SHF: variants seen among roughly 807,000 people sequenced by gnomAD.
SHF encodes Src homology 2 domain containing F.
SHF carries 30 observed loss-of-function variants against 42.4 expected under a neutral mutation model. The observed-to-expected ratio is 0.71, with a 90% confidence interval of 0.53 to 0.96. The LOEUF (loss-of-function observed/expected upper bound fraction) is 0.96. Among genes scored for constraint, SHF ranks in the 40% least tolerant of loss-of-function variants. The pLI, the probability that SHF is intolerant of heterozygous loss-of-function variation, is 0.00. For missense variants in SHF, 598 were observed against 634.0 expected, an observed-to-expected ratio of 0.94 and a Z score of 0.61; for synonymous variants, 264 against 269.9, an observed-to-expected ratio of 0.98 and a Z score of 0.21.
chr15:45,183,543 G>A (rs80120661), intron 1 of SHF, among the ~76,000 whole-genome samples: 7,060 of 152,294 alleles, frequency 0.046, 575 homozygotes, highest in African/African-American at 0.16. Flanking sequence ...CAGGGTTTGG[G>A]CCCCACTTTT....
chr15:45,170,597 A>G, intron 6 of SHF: 1 of 391,616 alleles, frequency 2.6e-6, no homozygotes, highest in South Asian at 2.3e-5. Flanking sequence ...CCAAGAATAG[A>G]ACTCAGGTTA....
intron 1 of SHF, chr15:45,199,257 C>T (rs749647935): frequency 1.2e-5 from 8 of 682,396 alleles, no homozygotes; most frequent in South Asian, 4.8e-5. Context: ...ATGCTTCCGC[C>T]GTGCCAGGTG....
chr15:45,169,750 C>G (rs996765489), intron 6 of SHF, among the ~76,000 whole-genome samples: 6 of 152,218 alleles, frequency 3.9e-5, no homozygotes, highest in African/African-American at 1.4e-4. Flanking sequence ...TCTGGATAAC[C>G]AACCTCCTGC....
At chr15:45,183,792 C>T (rs955855692) in intron 1 of SHF, among the ~76,000 whole-genome samples, 6 of 152,226 alleles carry the variant, frequency 3.9e-5, no homozygotes, top group Admixed American at 3.9e-4. Context: ...GTTGGTGCCA[C>T]AATGTGGGGT....
At chr15:45,188,015 A>AGG (rs1162918452), upstream of SHF, 1 of 81,728 alleles carries the variant, frequency 1.2e-5, no homozygotes, top group African/African-American at 5.5e-5. Context: ...GGGGGTGGGG[A>AGG]GGGGGGCGGG....
intron 6 of SHF, among the ~76,000 whole-genome samples, chr15:45,168,975 T>C (rs975114733): frequency 6.6e-6 from 1 of 152,110 alleles, no homozygotes; most frequent in African/African-American, 2.4e-5. Context: ...TCCAAGAACC[T>C]TTGTCTAAAC....
intron 2 of SHF, chr15:45,198,611 T>G (rs933066832): frequency 8.7e-6 from 7 of 800,164 alleles, no homozygotes; most frequent in South Asian, 2.7e-5. Flanking sequence ...CACAATGCCG[T>G]GACTCGGATT....
chr15:45,192,402 C>T (rs1898734402), upstream of SHF, among the ~76,000 whole-genome samples: 1 of 115,468 alleles, frequency 8.7e-6, no homozygotes, highest in South Asian at 3.0e-4. Flanking sequence ...GAGTCTCGCT[C>T]TGTCATCCAG....
chr15:45,198,617 G>C (rs915433625), intron 2 of SHF: 2 of 892,874 alleles, frequency 2.2e-6, no homozygotes, highest in Non-Finnish European at 3.2e-6. Context: ...GCCGTGACTC[G>C]GATTCGAACC....
chr15:45,187,993 G>GGGGGCGGGGGC (rs1898560131), upstream of SHF: 1 of 643,656 alleles, frequency 1.6e-6, no homozygotes. Flanking sequence ...GCGGCGGGTG[G>GGGGGCGGGGGC]GGGGCGGGGG....
At chr15:45,190,715 C>T (rs1315502101), upstream of SHF, among the ~76,000 whole-genome samples, 1 of 151,874 alleles carries the variant, frequency 6.6e-6, no homozygotes, top group Non-Finnish European at 1.5e-5. Context: ...TCGGCATTAG[C>T]TGGACAAAGG....
In SHF at chr15:45,175,333, C is replaced by T; in HGVS notation, c.733G>A (p.Glu245Lys). ...GACTCCCGGGGCCAGGGGGCCCCCT[C>T]ACCTTCCGCGGTGGCCCCATCCTCC... The part of the protein sequence containing the change: ...PEEDGATAEG[E>K]GAPWPRESRL... The change falls in exon 3 of 7, where the codon GAG becomes AAG. Residue 245 changes from glutamate to lysine, a missense_variant. Physicochemically the swap from Glu to Lys is moderately conservative, Grantham distance 56. Around this residue, in one of 2 missense-constraint regions of SHF, gnomAD observed 439 missense variants for 524.6 expected, o/e 0.84. Transcript: ENST00000690270. 1 of 1,603,402 alleles carries T rather than the reference C, an allele frequency of 6.2e-7. No individual in the cohort carries two copies. Among genetic ancestry groups the T allele is most frequent in the Non-Finnish European group, 8.5e-7 (1 of 1,174,878 alleles).
At chr15:45,182,119 C>T in intron 1 of SHF, among the ~76,000 whole-genome samples, 1 of 152,214 alleles carries the variant, frequency 6.6e-6, no homozygotes, top group South Asian at 2.1e-4. Context: ...AGCTAGCAGG[C>T]CTGCCATCTG....
At chr15:45,181,971 C>T (rs1357576813) in intron 1 of SHF, among the ~76,000 whole-genome samples, 1 of 152,224 alleles carries the variant, frequency 6.6e-6, no homozygotes, top group African/African-American at 2.4e-5. Flanking sequence ...CCCAGAGGAT[C>T]CCATCCCTCT....
At chr15:45,175,085 A>T in intron 3 of SHF, 134 bp downstream of exon 3, 6 of 972,602 alleles carry the variant, frequency 6.2e-6, no homozygotes, top group Non-Finnish European at 9.1e-6. Context: ...CCTATGGTAC[A>T]GAACTCAACT....
exon 2 of SHF, chr15:45,198,811 C>T (rs1366045440): frequency 6.2e-7 from 1 of 1,613,910 alleles, no homozygotes; most frequent in East Asian, 2.2e-5. Flanking sequence ...TGATAATGCG[C>T]AGGCGCGTTG....
At chr15:45,196,693 C>T (rs1032393766) in intron 2 of SHF, among the ~76,000 whole-genome samples, 4 of 151,906 alleles carry the variant, frequency 2.6e-5, no homozygotes, top group South Asian at 2.1e-4. Context: ...GTCAGGAGAT[C>T]GAGACCATCC....
chr15:45,192,383 T>TTC (rs1445287203), upstream of SHF, among the ~76,000 whole-genome samples: 3 of 145,048 alleles, frequency 2.1e-5, no homozygotes, highest in East Asian at 4.0e-4. Context: ...TTTTTTTTTT[T>TTC]TTGAGACAGA....
intron 6 of SHF, among the ~76,000 whole-genome samples, chr15:45,168,951 A>G (rs952827321): frequency 6.6e-6 from 1 of 152,210 alleles, no homozygotes; most frequent in South Asian, 2.1e-4. Flanking sequence ...ATGAGAGGGC[A>G]TGGGAGTGAG....
Sources: allele counts gnomAD v4.1 joint callset (sites outside exome capture counted in the v4.1 genomes callset), GRCh38; gene constraint gnomAD v4.1.1; regional missense constraint gnomAD v4.1.1; transcripts MANE v1.5; gene names NCBI Gene and HGNC (gene_info 2026-07-23, HGNC 2026-07-21).